RORA: variants seen among roughly 807,000 people sequenced by gnomAD.
RORA encodes nuclear receptor ROR-alpha.
RORA carries 7 observed loss-of-function variants against 69.5 expected under a neutral mutation model. That is an observed-to-expected ratio of 0.10 (90% CI 0.06 to 0.19). The LOEUF is 0.19. RORA is among the 10% of genes least tolerant of loss of function. The pLI is 1.00. For missense variants in RORA, 457 were observed against 663.0 expected, an observed-to-expected ratio of 0.69 and a Z score of 3.41; for synonymous variants, 261 against 240.8, an observed-to-expected ratio of 1.08 and a Z score of -0.78.
chr15:60,816,603 T>C (rs1046888018), intron 1 of RORA, among the ~76,000 whole-genome samples: 1 of 147,986 alleles, frequency 6.8e-6, no homozygotes. Context: ...TATGTATTTA[T>C]ATACTGTAAA....
chr15:61,017,003 A>G (rs540298934), intron 1 of RORA, among the ~76,000 whole-genome samples: 1 of 152,348 alleles, frequency 6.6e-6, no homozygotes, highest in Admixed American at 6.5e-5. Flanking sequence ...AAAACATATC[A>G]TAAAAGTCAC....
At chr15:61,120,194 T>C (rs1046244278) in intron 1 of RORA, among the ~76,000 whole-genome samples, 2 of 152,108 alleles carry the variant, frequency 1.3e-5, no homozygotes, top group Admixed American at 6.5e-5. Flanking sequence ...CAGATGTATT[T>C]CTATGTAAAA....
intron 1 of RORA, among the ~76,000 whole-genome samples, chr15:60,881,121 C>T (rs2073674824): frequency 1.3e-5 from 2 of 152,244 alleles, no homozygotes; most frequent in South Asian, 2.1e-4. Context: ...TGACTCCAAA[C>T]TTCATCATGA....
chr15:60,787,163 G>A (rs1487525659), intron 1 of RORA, among the ~76,000 whole-genome samples: 1 of 152,358 alleles, frequency 6.6e-6, no homozygotes, highest in South Asian at 2.1e-4. Context: ...AAACTCAAGA[G>A]AAATGCTGGG....
At chr15:61,074,417 C>T (rs1002245163) in intron 1 of RORA, among the ~76,000 whole-genome samples, 1 of 152,218 alleles carries the variant, frequency 6.6e-6, no homozygotes, top group Non-Finnish European at 1.5e-5. Flanking sequence ...CAACAATCCA[C>T]TCAGTGATAC....
chr15:61,047,800 G>A (rs28642745), intron 1 of RORA, among the ~76,000 whole-genome samples: 1 of 152,096 alleles, frequency 6.6e-6, no homozygotes, highest in Non-Finnish European at 1.5e-5. Flanking sequence ...CAGAGGAAGT[G>A]AAGTGTGGTC....
intron 2 of RORA, chr15:60,593,059 C>G (rs1002994606): frequency 5.3e-5 from 21 of 397,314 alleles, no homozygotes; most frequent in South Asian, 1.1e-4. Context: ...ACTTCTGGGC[C>G]GTGGAGAACG....
chr15:61,054,215 G>A (rs956765297), intron 1 of RORA, among the ~76,000 whole-genome samples: 3 of 151,628 alleles, frequency 2.0e-5, no homozygotes, highest in African/African-American at 7.3e-5. Context: ...GCTTTTACAT[G>A]TATGTAGTTT....
At chr15:60,614,144 T>C (rs1417611752) in intron 2 of RORA, among the ~76,000 whole-genome samples, 1 of 152,138 alleles carries the variant, frequency 6.6e-6, no homozygotes, top group Non-Finnish European at 1.5e-5. Flanking sequence ...TAGAGAATTG[T>C]GTGATTAGAA....
chr15:61,081,807 C>CAAAA (rs59591650), intron 1 of RORA, among the ~76,000 whole-genome samples: 6 of 105,664 alleles, frequency 5.7e-5, no homozygotes, highest in Non-Finnish European at 5.9e-5. Flanking sequence ...GACTCTGTCT[C>CAAAA]AAAAAAAAAA....
intron 1 of RORA, among the ~76,000 whole-genome samples, chr15:60,823,726 AT>A (rs1356716685): frequency 2.0e-5 from 3 of 152,108 alleles, no homozygotes; most frequent in African/African-American, 7.2e-5. Context: ...GTAACTAGGA[AT>A]TTTTTTTAGA....
intron 2 of RORA, among the ~76,000 whole-genome samples, chr15:60,606,759 A>G (rs1487240678): frequency 6.6e-6 from 1 of 152,230 alleles, no homozygotes; most frequent in Non-Finnish European, 1.5e-5. Flanking sequence ...ACTAAATTAG[A>G]ACTGCTATCT....
chr15:61,160,267 G>A (rs577307270), intron 1 of RORA, among the ~76,000 whole-genome samples: 122 of 152,260 alleles, frequency 8.0e-4, no homozygotes, highest in African/African-American at 2.9e-3. Flanking sequence ...TGCTCATAAA[G>A]CGGTTCCCTG....
chr15:60,620,084 T>G (rs1339914432), intron 2 of RORA, among the ~76,000 whole-genome samples: 1 of 152,258 alleles, frequency 6.6e-6, no homozygotes, highest in Non-Finnish European at 1.5e-5. Flanking sequence ...GTATAGATGC[T>G]TCGTTACCCT....
At chr15:60,878,443 T>C (rs1281573331) in intron 1 of RORA, among the ~76,000 whole-genome samples, 1 of 151,104 alleles carries the variant, frequency 6.6e-6, no homozygotes, top group Non-Finnish European at 1.5e-5. Flanking sequence ...CAGAGAGAGC[T>C]ACAAATTTGG....
intron 1 of RORA, among the ~76,000 whole-genome samples, chr15:61,183,873 C>G (rs2079713407): frequency 6.6e-6 from 1 of 152,180 alleles, no homozygotes; most frequent in Admixed American, 6.5e-5. Context: ...TTTCATACCT[C>G]TCTTCCCAGC....
Position 60,851,967 on chromosome 15 carries a change from T to A in RORA, c.167-173281A>T, listed in dbSNP as rs983000903. On this transcript the variant is annotated intron_variant, in intron 1 of 10. Transcript: ENST00000335670. ...CCCCGGCCATGTTCCCCATCAAGTC[T>A]CCAAGGTATCCATGTGTGCCCACAT... Among the ~76,000 whole-genome samples the A allele has an allele frequency of 9.9e-5, 15 of 152,146 alleles. No homozygotes were observed. In the South Asian group the frequency reaches 2.5e-3, roughly 25 times the overall value.
chr15:60,791,482 T>C (rs1042213980), intron 1 of RORA, among the ~76,000 whole-genome samples: 1 of 152,250 alleles, frequency 6.6e-6, no homozygotes, highest in East Asian at 1.9e-4. Flanking sequence ...GTAAAATTTA[T>C]GAATTTGTGG....
chr15:60,608,369 G>A (rs1050234302), intron 2 of RORA, among the ~76,000 whole-genome samples: 10 of 152,172 alleles, frequency 6.6e-5, no homozygotes, highest in Non-Finnish European at 1.5e-4. Flanking sequence ...GAATGCAGCT[G>A]AAAGGCTAAG....
Sources: gnomAD v4.1 joint callset for allele counts (sites outside exome capture counted in the v4.1 genomes callset) on GRCh38, gnomAD v4.1.1 for gene constraint, MANE v1.5 for transcripts, NCBI Gene and HGNC (gene_info 2026-07-23, HGNC 2026-07-21) for gene names.